FNDC3A: variants seen among roughly 807,000 people sequenced by gnomAD.
The protein encoded by FNDC3A is fibronectin type-III domain-containing protein 3A.
FNDC3A carries 32 observed loss-of-function variants against 148.9 expected under a neutral mutation model. The ratio of observed to expected loss-of-function variants is 0.21; its 90% CI spans 0.16 to 0.29. The LOEUF (loss-of-function observed/expected upper bound fraction) is 0.29, where lower values mean the gene tolerates loss of function less well. Among genes scored for constraint, FNDC3A ranks in the 10% least tolerant of loss-of-function variants. The pLI is 1.00. For missense variants in FNDC3A, 1,191 were observed against 1,452.8 expected (o/e 0.82, Z 2.93); for synonymous variants, 472 against 473.6 (o/e 1.00, Z 0.04).
At chr13:49,094,879 A>C (rs960820360) in intron 3 of FNDC3A, among the ~76,000 whole-genome samples, 1 of 152,044 alleles carries the variant, frequency 6.6e-6, no homozygotes, top group African/African-American at 2.4e-5. Flanking sequence ...AGGACCATTT[A>C]TTTGATATAT....
intron 12 of FNDC3A, 43 bp from the exon 13 acceptor site, chr13:49,175,324 A>G: frequency 2.8e-6 from 4 of 1,427,100 alleles, no homozygotes; most frequent in Non-Finnish European, 3.7e-6. Context: ...TTTCACTGTA[A>G]AAATAACTTT....
intron 2 of FNDC3A, among the ~76,000 whole-genome samples, chr13:49,012,952 AAG>A (rs1239506075): frequency 2.0e-5 from 3 of 151,984 alleles, no homozygotes; most frequent in African/African-American, 7.2e-5. Flanking sequence ...CTTAGTCTCA[AAG>A]AGAGTATTTT....
intron 16 of FNDC3A, among the ~76,000 whole-genome samples, chr13:49,187,925 C>T (rs1593727496): frequency 6.6e-6 from 1 of 152,252 alleles, no homozygotes; most frequent in East Asian, 1.9e-4. Flanking sequence ...AGCCTCTATA[C>T]ACCTAGACCA....
intron 4 of FNDC3A, among the ~76,000 whole-genome samples, chr13:49,118,867 A>T (rs1035252253): frequency 2.0e-5 from 3 of 152,202 alleles, no homozygotes; most frequent in Admixed American, 6.5e-5. Flanking sequence ...AGGGGCTTAT[A>T]GATAAAACGC....
rs761656616 is a variant in FNDC3A at position 49,167,286 on chromosome 13, C to T, written c.1020C>T (p.Ala340=). The T allele has an allele frequency of 6.2e-7, 1 of 1,601,618 alleles. No individual in the cohort carries two copies. The highest frequency in any genetic ancestry group is 2.3e-5 in the East Asian group (1 of 44,364). The change falls in exon 9 of 26, where the codon GCC becomes GCT. Residue 340 remains alanine (A), a synonymous_variant. Coordinates refer to ENST00000492622, the MANE Select transcript of FNDC3A (RefSeq NM_001079673.2). ...TNITLNDLKP[A]MDYHAKVQAE... is the part of the protein sequence containing the mutation. ...TCACTTTAAATGATCTCAAGCCAGC[C>T]ATGGATTACCATGCAAAGTAAGGAA...
intron 4 of FNDC3A, among the ~76,000 whole-genome samples, chr13:49,117,749 T>G (rs1395612401): frequency 6.6e-6 from 1 of 152,234 alleles, no homozygotes; most frequent in Non-Finnish European, 1.5e-5. Context: ...GAGGGTGTTG[T>G]AGGTTATAAG....
chr13:49,188,385 C>A, intron 16 of FNDC3A, 130 bp from the exon 17 acceptor site: 1 of 647,644 alleles, frequency 1.5e-6, no homozygotes, highest in South Asian at 2.1e-5. Context: ...GAAACCGAAA[C>A]AAACCTAAAT....
chr13:49,139,608 T>C (rs943024608), intron 7 of FNDC3A, among the ~76,000 whole-genome samples: 5 of 152,350 alleles, frequency 3.3e-5, no homozygotes, highest in South Asian at 2.1e-4. Flanking sequence ...GTCCTACTTT[T>C]TCTGACAACT....
chr13:49,168,817 AGT>A, intron 10 of FNDC3A, 66 bp downstream of exon 10: 1 of 1,434,990 alleles, frequency 7.0e-7, no homozygotes, highest in Non-Finnish European at 9.6e-7. Flanking sequence ...GGTAGTATTA[AGT>A]TTCAATTGTT....
At chr13:49,192,381 G>A (rs1414463970) in intron 19 of FNDC3A, among the ~76,000 whole-genome samples, 10 of 151,990 alleles carry the variant, frequency 6.6e-5, no homozygotes, top group Non-Finnish European at 1.0e-4. Context: ...TGCAACCTCC[G>A]CCTCCTGGGC....
At chr13:49,070,000 TA>T (rs1259109203) in intron 2 of FNDC3A, among the ~76,000 whole-genome samples, 1 of 152,118 alleles carries the variant, frequency 6.6e-6, no homozygotes, top group Non-Finnish European at 1.5e-5. Context: ...ATCAAGGAAA[TA>T]AATATAAGCA....
intron 2 of FNDC3A, among the ~76,000 whole-genome samples, chr13:49,071,727 GT>G (rs35779065): frequency 1.3e-4 from 19 of 146,280 alleles, no homozygotes; most frequent in Middle Eastern, 3.5e-3. Context: ...TGATTATTTG[GT>G]TTTTTTTTTT....
chr13:49,059,397 A>G (rs894863357), intron 2 of FNDC3A, among the ~76,000 whole-genome samples: 2 of 152,226 alleles, frequency 1.3e-5, no homozygotes, highest in East Asian at 3.8e-4. Context: ...TTGTGCACCA[A>G]AGAACATTGT....
intron 17 of FNDC3A, among the ~76,000 whole-genome samples, chr13:49,188,996 A>T (rs1885736564): frequency 6.6e-6 from 1 of 152,238 alleles, no homozygotes; most frequent in Non-Finnish European, 1.5e-5. Context: ...GTGTGTGAGG[A>T]CACATCATAA....
chr13:48,986,398 T>G (rs981820011), intron 1 of FNDC3A, among the ~76,000 whole-genome samples: 3 of 118,606 alleles, frequency 2.5e-5, no homozygotes, highest in African/African-American at 9.6e-5. Flanking sequence ...TTTTTTTTTT[T>G]TTTTTTTTTT....
At chr13:49,189,038 T>C (rs531242802) in intron 17 of FNDC3A, among the ~76,000 whole-genome samples, 1 of 152,346 alleles carries the variant, frequency 6.6e-6, no homozygotes, top group African/African-American at 2.4e-5. Context: ...TACTTTCTAA[T>C]ATTTACTTAC....
chr13:49,127,943 A>G, intron 4 of FNDC3A, among the ~76,000 whole-genome samples: 1 of 151,576 alleles, frequency 6.6e-6, no homozygotes, highest in East Asian at 1.9e-4. Flanking sequence ...GTGCAGCAGC[A>G]CAGTCTCGGC....
At chr13:49,119,368 G>A (rs1272864322) in intron 4 of FNDC3A, among the ~76,000 whole-genome samples, 1 of 152,088 alleles carries the variant, frequency 6.6e-6, no homozygotes, top group Non-Finnish European at 1.5e-5. Context: ...AAAGGCCAAA[G>A]GTAGATAAAT....
chr13:49,110,461 T>A, intron 3 of FNDC3A: 1 of 1,180,844 alleles, frequency 8.5e-7, no homozygotes, highest in South Asian at 1.2e-5. Flanking sequence ...GAAAGCATTG[T>A]ATTAATCTAA....
Sources: gnomAD v4.1 joint callset for allele counts (sites outside exome capture counted in the v4.1 genomes callset) on GRCh38, gnomAD v4.1.1 for gene constraint, MANE v1.5 for transcripts, NCBI Gene and HGNC (gene_info 2026-07-23, HGNC 2026-07-21) for gene names.